Variants in PTPRO observed in about 807,000 individuals in gnomAD.
PTPRO encodes receptor-type tyrosine-protein phosphatase O.
PTPRO carries 62 observed loss-of-function variants against 145.2 expected under a neutral mutation model. The observed-to-expected ratio is 0.43, with a 90% CI of 0.35 to 0.53. PTPRO has a LOEUF of 0.53. Ranked by LOEUF, PTPRO falls within the 20% of genes least tolerant of loss-of-function variation. The probability of loss-of-function intolerance (pLI) is 0.01; values close to 1 mark genes in which losing one functional copy is unlikely to be tolerated. For synonymous variants in PTPRO, 565 were observed against 514.7 expected (o/e 1.10, Z -1.32); for missense variants, 1,345 against 1,482.7 (o/e 0.91, Z 1.53).
rs538573494 is a variant in PTPRO, at chr12:15,473,667, T to G, written c.76-10307T>G. Among the ~76,000 whole-genome samples, 10 of 148,776 alleles carry G rather than the reference T, an allele frequency of 6.7e-5. No individual in the cohort carries two copies. In the East Asian group the frequency reaches 2.0e-3, roughly 30 times the overall value. On this transcript the variant is annotated intron_variant, in intron 1 of 26. Transcript: ENST00000281171. ...CTGTAATCCCAGCTACTCGGGAGGCTGAGGCAGCAGAATTGCTTGAACCCA... is the reference window on the plus strand; with the variant it reads ...CTGTAATCCCAGCTACTCGGGAGGCGGAGGCAGCAGAATTGCTTGAACCCA...
At chr12:15,591,857 G>A (rs567418584) in intron 25 of PTPRO, among the ~76,000 whole-genome samples, 20 of 150,612 alleles carry the variant, frequency 1.3e-4, no homozygotes, top group Non-Finnish European at 1.9e-4. Flanking sequence ...GCAAGACTCC[G>A]TCTCAAAAAA....
At chr12:15,580,154 C>A (rs1460885906) in intron 21 of PTPRO, 39 bp downstream of exon 21, 1 of 1,504,356 alleles carries the variant, frequency 6.6e-7, no homozygotes, top group Non-Finnish European at 9.2e-7. Flanking sequence ...CAAAGCTAAC[C>A]AGCCAGAGAA....
intron 1 of PTPRO, among the ~76,000 whole-genome samples, chr12:15,331,937 G>C (rs1202955085): frequency 1.4e-5 from 2 of 146,316 alleles, no homozygotes; most frequent in African/African-American, 2.5e-5. Flanking sequence ...TTTGATTATA[G>C]TATCCTTTTT....
At chr12:15,529,838 G>A (rs182743910) in intron 12 of PTPRO, among the ~76,000 whole-genome samples, 11 of 152,180 alleles carry the variant, frequency 7.2e-5, no homozygotes, top group Admixed American at 3.9e-4. Flanking sequence ...TCTGAAAACA[G>A]GCAACAAAAC....
At chr12:15,393,001 A>G (rs968869488) in intron 1 of PTPRO, among the ~76,000 whole-genome samples, 2 of 152,180 alleles carry the variant, frequency 1.3e-5, no homozygotes, top group East Asian at 3.9e-4. Context: ...GTATCTTTCT[A>G]TGATTTTGTT....
intron 6 of PTPRO, 57 bp from the exon 7 acceptor site, chr12:15,508,514 T>G: frequency 6.6e-7 from 1 of 1,518,584 alleles, no homozygotes. Context: ...ACCAGAATCT[T>G]TTATCTCAAT....
intron 25 of PTPRO, among the ~76,000 whole-genome samples, chr12:15,594,120 A>G (rs974357654): frequency 6.6e-6 from 1 of 151,934 alleles, no homozygotes; most frequent in Non-Finnish European, 1.5e-5. Flanking sequence ...TCTAGAAAAT[A>G]TTTTTCTTTT....
At chr12:15,380,528 A>C (rs1201654162) in intron 1 of PTPRO, among the ~76,000 whole-genome samples, 2 of 152,142 alleles carry the variant, frequency 1.3e-5, no homozygotes, top group African/African-American at 4.8e-5. Flanking sequence ...TATTGGGCCA[A>C]ATTAAATGGT....
At position 15,581,675 on chromosome 12, in the gene PTPRO, C is replaced by T. The variant is rs746300400; in HGVS notation, c.3133-4C>T. 6 of 1,613,746 alleles carry T rather than the reference C, an allele frequency of 3.7e-6. No homozygotes were observed. The highest frequency in any genetic ancestry group is 2.2e-5 in the South Asian group (2 of 91,088). On this transcript the variant is annotated splice_region_variant and splice_polypyrimidine_tract_variant and intron_variant, in intron 22 of 26. Transcript: ENST00000281171. ...TTTAAAAAATTGTTTTGTCCTTGCT[C>T]CAGGTGAAATGTGACCATTACTGGC... is the stretch of plus-strand genomic sequence containing the variant.
chr12:15,480,338 G>A (rs1941752113), intron 1 of PTPRO, among the ~76,000 whole-genome samples: 1 of 152,050 alleles, frequency 6.6e-6, no homozygotes, highest in Non-Finnish European at 1.5e-5. Flanking sequence ...CTTGAATATT[G>A]TGAGTATTAT....
At chr12:15,454,691 C>G in intron 1 of PTPRO, among the ~76,000 whole-genome samples, 1 of 152,160 alleles carries the variant, frequency 6.6e-6, no homozygotes, top group East Asian at 1.9e-4. Context: ...CCTATACATT[C>G]TTCTAGGAGT....
intron 12 of PTPRO, among the ~76,000 whole-genome samples, chr12:15,543,892 G>A (rs1943225963): frequency 6.6e-6 from 1 of 152,176 alleles, no homozygotes. Flanking sequence ...GCACTGCCCT[G>A]AAGTTCAGTG....
chr12:15,552,454 C>G (rs1054956692), intron 15 of PTPRO, among the ~76,000 whole-genome samples: 2 of 152,174 alleles, frequency 1.3e-5, no homozygotes, highest in Admixed American at 6.5e-5. Flanking sequence ...TTCTATCACT[C>G]ACATATTTAT....
intron 19 of PTPRO, among the ~76,000 whole-genome samples, chr12:15,578,075 A>G (rs1297001934): frequency 2.0e-5 from 3 of 152,198 alleles, no homozygotes; most frequent in East Asian, 1.9e-4. Context: ...ATTTTCCCCA[A>G]CAACTACAGA....
chr12:15,555,126 T>C (rs1348338386), intron 15 of PTPRO, among the ~76,000 whole-genome samples: 2 of 152,066 alleles, frequency 1.3e-5, no homozygotes, highest in Non-Finnish European at 2.9e-5. Context: ...TAATCCCAGC[T>C]ACTCAGGAGA....
intron 1 of PTPRO, among the ~76,000 whole-genome samples, chr12:15,400,753 T>C (rs1307446821): frequency 6.6e-6 from 1 of 152,238 alleles, no homozygotes; most frequent in Non-Finnish European, 1.5e-5. Context: ...AGTCACAAAA[T>C]ATAGCCATGA....
In PTPRO at chr12:15,508,448, C is replaced by T. The variant is rs192696203; in HGVS notation, c.1268-123C>T. 3,014 of 1,054,612 alleles carry T rather than the reference C, an allele frequency of 2.9e-3. 6 individuals carry two copies. The highest frequency in any genetic ancestry group is 4.0e-3 in the Non-Finnish European group (2,773 of 697,222). 65.3% of individuals were successfully genotyped at this position (1,054,612 alleles called of 1,614,324 possible). On this transcript the variant is annotated intron_variant, in intron 6 of 26. Coordinates refer to ENST00000281171, the MANE Select transcript of PTPRO (RefSeq NM_030667.3). ...GGACCTGAAGAGTTGCCAGTCCGAC[C>T]GCCAATCTTTCTTTGAATCTCATTG... is the stretch of plus-strand genomic sequence containing the variant.
At chr12:15,494,627 C>A (rs1942064610) in intron 2 of PTPRO, among the ~76,000 whole-genome samples, 1 of 152,086 alleles carries the variant, frequency 6.6e-6, no homozygotes. Context: ...ATAAAAAAAA[C>A]ATACAAGCAA....
chr12:15,467,409 AGTGTGTGT>A (rs71042254), intron 1 of PTPRO, among the ~76,000 whole-genome samples: 1 of 149,980 alleles, frequency 6.7e-6, no homozygotes. Flanking sequence ...GGTAGGGGTG[AGTGTGTGT>A]GTGTGTGTGT....
Sources: allele counts gnomAD v4.1 joint callset (sites outside exome capture counted in the v4.1 genomes callset), GRCh38; gene constraint gnomAD v4.1.1; transcripts MANE v1.5; gene names NCBI Gene and HGNC (gene_info 2026-07-23, HGNC 2026-07-21).